Variants in DRICH1 observed in about 807,000 individuals in gnomAD.
The protein encoded by DRICH1 is aspartate-rich protein 1.
In DRICH1, 38 loss-of-function variants were observed where a neutral mutation model predicts 39.5. The observed-to-expected ratio is 0.96, with a 90% CI of 0.74 to 1.26. The LOEUF (loss-of-function observed/expected upper bound fraction) is 1.26. DRICH1 is among the 50% of genes most tolerant of loss of function. The probability of loss-of-function intolerance (pLI) is 0.00; values close to 1 mark genes in which losing one functional copy is unlikely to be tolerated. For missense variants in DRICH1, 279 were observed against 270.4 expected, an observed-to-expected ratio of 1.03 and a Z score of -0.22; for synonymous variants, 84 against 99.5, an observed-to-expected ratio of 0.84 and a Z score of 0.93.
At chr22:23,625,831 T>C (rs1317562090) in intron 2 of DRICH1, 150 bp downstream of exon 2, 1 of 654,002 alleles carries the variant, frequency 1.5e-6, no homozygotes, top group Non-Finnish European at 2.7e-6. Flanking sequence ...TGGGTGTGTC[T>C]GCACCCAGAT....
intron 4 of DRICH1, 105 bp from the exon 5 acceptor site, chr22:23,620,720 A>T: frequency 7.4e-7 from 1 of 1,356,108 alleles, no homozygotes; most frequent in Non-Finnish European, 1.1e-6. Flanking sequence ...TAGTTGTGAA[A>T]CTGTTGTTGA....
At chr22:23,627,731 C>T (rs1928153444) in intron 1 of DRICH1, among the ~76,000 whole-genome samples, 1 of 152,126 alleles carries the variant, frequency 6.6e-6, no homozygotes, top group African/African-American at 2.4e-5. Context: ...GGCAGGGGCA[C>T]CTCACTGTCC....
intron 7 of DRICH1, 31 bp downstream of exon 7, chr22:23,617,544 T>C: frequency 1.2e-6 from 2 of 1,612,188 alleles, no homozygotes; most frequent in South Asian, 1.1e-5. Flanking sequence ...AAACCAACAT[T>C]TCCTTAGAAG....
At chr22:23,607,424 C>G (rs76672234), downstream of DRICH1, among the ~76,000 whole-genome samples, 1,123 of 152,224 alleles carry the variant, frequency 7.4e-3, 12 homozygotes, top group African/African-American at 0.024. Context: ...AGACTCAGAG[C>G]TTGCAGTGGT....
chr22:23,610,813 C>A (rs1033705757), intron 11 of DRICH1, among the ~76,000 whole-genome samples: 2 of 150,820 alleles, frequency 1.3e-5, no homozygotes, highest in Admixed American at 6.6e-5. Context: ...TGTCTAAAAG[C>A]ACTCTTTTTT....
chr22:23,622,600 A>T (rs1180213115), intron 3 of DRICH1, among the ~76,000 whole-genome samples: 1 of 151,200 alleles, frequency 6.6e-6, no homozygotes, highest in African/African-American at 2.5e-5. Context: ...TACTTAATTA[A>T]AAGTCTATTT....
At chr22:23,623,665 T>C (rs888951919) in intron 3 of DRICH1, among the ~76,000 whole-genome samples, 2 of 150,850 alleles carry the variant, frequency 1.3e-5, no homozygotes, top group African/African-American at 4.8e-5. Flanking sequence ...CAGACTTTAA[T>C]GAATTTTCAT....
rs187221492 is a variant in DRICH1, at chr22:23,616,097, A to G, written c.541+756T>C. 2.7e-3 allele frequency among the ~76,000 whole-genome samples: 404 copies of G among 152,354 alleles called. 1 individual carries two copies. The highest frequency in any genetic ancestry group is 9.3e-3 in the South Asian group (45 of 4,830). On this transcript the variant is annotated intron_variant, in intron 8 of 11. Coordinates refer to ENST00000317749, the MANE Select transcript of DRICH1 (RefSeq NM_016449.4). ...GAGCTCTTGATACCAGAGGTAAGCA[A>G]GAAAAACAGACAAATGAATGTGCTG...
At chr22:23,629,721 G>A (rs1928279378) in intron 1 of DRICH1, among the ~76,000 whole-genome samples, 3 of 152,074 alleles carry the variant, frequency 2.0e-5, no homozygotes, top group Non-Finnish European at 2.9e-5. Context: ...AGGTTCAAGC[G>A]ATTCTCCAGC....
chr22:23,608,617 GC>G lies in DRICH1; in HGVS notation c.*146del. 1.2e-6 allele frequency: 1 copy of G among 814,628 alleles called. No individual in the cohort carries two copies. The highest frequency in any genetic ancestry group is 2.0e-6 in the Non-Finnish European group (1 of 493,386). 50.5% of individuals were successfully genotyped at this position (814,628 alleles called of 1,614,324 possible). A position where few individuals can be genotyped will look rare whatever the true frequency, so the allele number is the denominator to read the frequency against. On this transcript the variant is annotated 3_prime_UTR_variant, in exon 12 of 12. Transcript: ENST00000317749. Reference sequence around the variant, plus strand: ...TAGTGCTGGCGGTGGGTGGGAAGCAGCCTTGGACTTTTTCTCTCTGCTGGGA... The same window carrying G: ...TAGTGCTGGCGGTGGGTGGGAAGCAGCTTGGACTTTTTCTCTCTGCTGGGA...
the DRICH1 span, among the ~76,000 whole-genome samples, chr22:23,603,230 A>T: frequency 5.4e-5 from 8 of 149,332 alleles, no homozygotes; most frequent in South Asian, 1.7e-3. Context: ...ATGATTTTTC[A>T]TACATGTTTC....
chr22:23,595,956 C>T, the DRICH1 span, among the ~76,000 whole-genome samples: 3 of 152,326 alleles, frequency 2.0e-5, no homozygotes, highest in East Asian at 5.8e-4. Flanking sequence ...GAAAACACAT[C>T]ATCTTACATC....
At chr22:23,587,243 G>C in the DRICH1 span, among the ~76,000 whole-genome samples, 1 of 152,146 alleles carries the variant, frequency 6.6e-6, no homozygotes, top group African/African-American at 2.4e-5. Flanking sequence ...CCATGTCAGA[G>C]AGCCATCCTG....
chr22:23,582,555 C>CTTTATTATTATTA, the DRICH1 span, among the ~76,000 whole-genome samples: 1 of 143,872 alleles, frequency 7.0e-6, no homozygotes, highest in East Asian at 2.0e-4. Context: ...CCTTCAGGGG[C>CTTTATTATTATTA]TTATTATTAT....
chr22:23,591,307 G>A, the DRICH1 span, among the ~76,000 whole-genome samples: 6 of 152,058 alleles, frequency 3.9e-5, no homozygotes, highest in Non-Finnish European at 5.9e-5. Context: ...GTGGCCTCCC[G>A]CTGCAGGTCA....
In DRICH1 at chr22:23,614,873, C is replaced by T. The variant is rs187721110; in HGVS notation, c.542-659G>A. On this transcript the variant is annotated intron_variant, in intron 8 of 11. Coordinates refer to ENST00000317749, the MANE Select transcript of DRICH1 (RefSeq NM_016449.4). Reference sequence around the variant, plus strand: ...CCCTAAAAATCAGGCTTCATTCAAACAGGCCAAGCCCACAGAGCCTGCTCT... The same window carrying T: ...CCCTAAAAATCAGGCTTCATTCAAATAGGCCAAGCCCACAGAGCCTGCTCT... Among the ~76,000 whole-genome samples, 398 of 152,306 alleles carry T rather than the reference C, an allele frequency of 2.6e-3. 1 individual carries two copies. Among genetic ancestry groups the T allele is most frequent in the South Asian group, 9.3e-3 (45 of 4,828 alleles).
At chr22:23,607,541 G>C (rs1029938791), downstream of DRICH1, among the ~76,000 whole-genome samples, 2 of 149,856 alleles carry the variant, frequency 1.3e-5, no homozygotes, top group Non-Finnish European at 3.0e-5. Context: ...GCGGGGGCGG[G>C]GGGGGGCCTC....
the DRICH1 span, among the ~76,000 whole-genome samples, chr22:23,594,199 A>G: frequency 1.1e-4 from 17 of 151,778 alleles, no homozygotes; most frequent in African/African-American, 4.1e-4. Context: ...ATTAACCACA[A>G]AAAGATCCAC....
At chr22:23,612,592 C>G (rs1005836320) in intron 11 of DRICH1, among the ~76,000 whole-genome samples, 1 of 150,532 alleles carries the variant, frequency 6.6e-6, no homozygotes, top group Non-Finnish European at 1.5e-5. Context: ...TGGGAAGGAA[C>G]TTTTGGCTTC....
Sources: allele counts gnomAD v4.1 joint callset (sites outside exome capture counted in the v4.1 genomes callset), GRCh38; gene constraint gnomAD v4.1.1; transcripts MANE v1.5; gene names NCBI Gene and HGNC (gene_info 2026-07-23, HGNC 2026-07-21).